The following TAS2R1 variants were observed in gnomAD, a reference collection of about 807,000 sequenced individuals.
TAS2R1 encodes taste 2 receptor member 1, also known as taste receptor type 2 member 1.
For missense variants in TAS2R1, 370 were observed against 353.4 expected (o/e 1.05, Z -0.38); for synonymous variants, 141 against 134.2 (o/e 1.05, Z -0.35).
intron 1 of TAS2R1, among the ~76,000 whole-genome samples, chr5:9,687,375 TG>T (rs1741149757): frequency 6.6e-6 from 1 of 152,208 alleles, no homozygotes; most frequent in Admixed American, 6.5e-5. Flanking sequence ...GATTATCTTT[TG>T]TGGTTTTTAA....
the TAS2R1 span, among the ~76,000 whole-genome samples, chr5:9,903,180 T>C: frequency 6.6e-6 from 1 of 152,002 alleles, no homozygotes; most frequent in African/African-American, 2.4e-5. Context: ...CAGTAGGTAT[T>C]ATTCATCCAT....
chr5:9,827,045 C>T, the TAS2R1 span, among the ~76,000 whole-genome samples: 1 of 152,200 alleles, frequency 6.6e-6, no homozygotes, highest in Non-Finnish European at 1.5e-5. Flanking sequence ...CTTTACCCAG[C>T]TCCTGAGCCT....
At chr5:9,762,831 A>C in the TAS2R1 span, among the ~76,000 whole-genome samples, 2 of 152,236 alleles carry the variant, frequency 1.3e-5, no homozygotes, top group East Asian at 3.8e-4. Context: ...AAACTTACTT[A>C]GGAAATTATT....
In TAS2R1 at chr5:9,629,938, C is replaced by G; in HGVS notation, c.95G>C (p.Gly32Ala). Residue 32 changes from glycine (G) to alanine (A), a missense_variant, in exon 1 of 1, where the codon GGC becomes GCC. Physicochemically the swap from Gly to Ala is moderately conservative, Grantham distance 60. Coordinates refer to ENST00000382492, the MANE Select transcript of TAS2R1 (RefSeq NM_019599.3). ...TTTTCTGTGCTTGATCAAGTCAATG[C>G]CATTCACCACCACAATGATGCCATT... Reference protein sequence around the residue: ...FTNGIIVVVNGIDLIKHRKMA... With the variant: ...FTNGIIVVVNAIDLIKHRKMA... 6.2e-7 allele frequency: 1 copy of G among 1,613,562 alleles called. No homozygotes were observed. Among genetic ancestry groups the G allele is most frequent in the Non-Finnish European group, 8.5e-7 (1 of 1,179,878 alleles).
intron 2 of TAS2R1, among the ~76,000 whole-genome samples, chr5:9,657,486 C>A (rs984055571): frequency 2.6e-5 from 4 of 152,118 alleles, no homozygotes; most frequent in African/African-American, 7.2e-5. Context: ...GGACAAGAGA[C>A]AAGATGATGT....
the TAS2R1 span, among the ~76,000 whole-genome samples, chr5:9,777,036 T>A: frequency 6.6e-6 from 1 of 152,210 alleles, no homozygotes; most frequent in Non-Finnish European, 1.5e-5. Flanking sequence ...CTTCAGCAAG[T>A]TGTAATCTTT....
At chr5:9,674,352 A>C (rs530295110) in intron 1 of TAS2R1, among the ~76,000 whole-genome samples, 85 of 152,322 alleles carry the variant, frequency 5.6e-4, no homozygotes, top group Non-Finnish European at 8.1e-4. Context: ...ATGGCTTAAG[A>C]AACAAATAAG....
chr5:9,769,483 C>A, the TAS2R1 span, among the ~76,000 whole-genome samples: 1 of 152,136 alleles, frequency 6.6e-6, no homozygotes, highest in African/African-American at 2.4e-5. Flanking sequence ...AGTGAAGAAC[C>A]TCCAAACTGT....
chr5:9,798,390 T>G, the TAS2R1 span, among the ~76,000 whole-genome samples: 31 of 152,350 alleles, frequency 2.0e-4, no homozygotes, highest in East Asian at 5.8e-3. Context: ...ATATGGTTAG[T>G]AATTACACAT....
upstream of TAS2R1, among the ~76,000 whole-genome samples, chr5:9,714,521 C>T (rs1454827660): frequency 6.6e-6 from 1 of 152,204 alleles, no homozygotes; most frequent in Non-Finnish European, 1.5e-5. Flanking sequence ...TGTTTTGCCT[C>T]TCTGACCTGC....
At chr5:9,869,271 A>C in the TAS2R1 span, among the ~76,000 whole-genome samples, 1 of 152,204 alleles carries the variant, frequency 6.6e-6, no homozygotes, top group East Asian at 1.9e-4. Flanking sequence ...GGTAATTTAT[A>C]AAGGAAAGAG....
At chr5:9,738,472 G>A in the TAS2R1 span, among the ~76,000 whole-genome samples, 1 of 152,134 alleles carries the variant, frequency 6.6e-6, no homozygotes, top group Non-Finnish European at 1.5e-5. Context: ...TCTTTACTTT[G>A]AGTCCCAAAA....
chr5:9,728,968 A>T, the TAS2R1 span, among the ~76,000 whole-genome samples: 20 of 152,296 alleles, frequency 1.3e-4, no homozygotes, highest in Middle Eastern at 6.8e-3. Context: ...TCTGCTGAGG[A>T]GACAAAGCCT....
At chr5:9,814,067 C>T in the TAS2R1 span, among the ~76,000 whole-genome samples, 1 of 152,166 alleles carries the variant, frequency 6.6e-6, no homozygotes, top group Non-Finnish European at 1.5e-5. Context: ...CACAATTCAA[C>T]ATGATTCAGC....
At chr5:9,651,376 G>A (rs944564555) in intron 2 of TAS2R1, among the ~76,000 whole-genome samples, 1 of 152,110 alleles carries the variant, frequency 6.6e-6, no homozygotes, top group East Asian at 1.9e-4. Flanking sequence ...TTGGGTTGGA[G>A]AGACATAGCC....
chr5:9,823,131 T>C, the TAS2R1 span, among the ~76,000 whole-genome samples: 2 of 152,004 alleles, frequency 1.3e-5, no homozygotes, highest in Admixed American at 6.6e-5. Flanking sequence ...AAAAGACTTA[T>C]ATAAAAGTAT....
the TAS2R1 span, among the ~76,000 whole-genome samples, chr5:9,893,191 T>C: frequency 2.6e-5 from 4 of 151,148 alleles, no homozygotes; most frequent in African/African-American, 9.7e-5. Flanking sequence ...ATCTGGGTGA[T>C]GTCTTGGTTG....
chr5:9,805,103 C>T, the TAS2R1 span, among the ~76,000 whole-genome samples: 1 of 151,836 alleles, frequency 6.6e-6, no homozygotes, highest in Non-Finnish European at 1.5e-5. Context: ...TTATACAAGG[C>T]TACTATGAAC....
At chr5:9,738,220 T>TTACCACCCATTCTCAGAG in the TAS2R1 span, among the ~76,000 whole-genome samples, 1 of 152,180 alleles carries the variant, frequency 6.6e-6, no homozygotes, top group South Asian at 2.1e-4. Flanking sequence ...CCAGGGATGA[T>TTACCACCCATTCTCAGAG]TACCACCCAT....
Sources: allele counts gnomAD v4.1 joint callset (sites outside exome capture counted in the v4.1 genomes callset), GRCh38; gene constraint gnomAD v4.1.1; transcripts MANE v1.5; gene names NCBI Gene and HGNC (gene_info 2026-07-23, HGNC 2026-07-21).